STK32C: variants seen among roughly 807,000 people sequenced by gnomAD.
STK32C encodes the protein serine/threonine kinase 32C, also known as serine/threonine-protein kinase 32C.
A neutral mutation model predicts 56.5 loss-of-function variants in STK32C; 31 were observed. The observed-to-expected ratio is 0.55, with a 90% CI of 0.41 to 0.74. STK32C has a LOEUF of 0.74. Among genes scored for constraint, STK32C ranks in the 30% least tolerant of loss-of-function variants. STK32C has a pLI of 0.00. For missense variants in STK32C, 544 were observed against 676.9 expected (o/e 0.80, Z 2.18); for synonymous variants, 309 against 289.4 (o/e 1.07, Z -0.69).
At chr10:132,278,757 CAA>C (rs60685458) in intron 1 of STK32C, among the ~76,000 whole-genome samples, 2,765 of 90,312 alleles carry the variant, frequency 0.031, 60 homozygotes, top group South Asian at 0.17. Context: ...GAGACTGTCT[CAA>C]AAAAAAAAAA....
At chr10:132,266,860 C>T (rs1243461178) in intron 1 of STK32C, among the ~76,000 whole-genome samples, 2 of 151,868 alleles carry the variant, frequency 1.3e-5, no homozygotes, top group East Asian at 1.9e-4. Flanking sequence ...GGGGGCAGCT[C>T]GAGGTCAGAA....
chr10:132,258,638 C>T (rs1339089884), intron 1 of STK32C, among the ~76,000 whole-genome samples: 4 of 152,254 alleles, frequency 2.6e-5, no homozygotes, highest in Admixed American at 6.5e-5. Flanking sequence ...GGCTCACAGC[C>T]GGTCCTCTGG....
At chr10:132,252,114 G>C (rs1565112304) in intron 1 of STK32C, among the ~76,000 whole-genome samples, 1 of 152,256 alleles carries the variant, frequency 6.6e-6, no homozygotes, top group Non-Finnish European at 1.5e-5. Flanking sequence ...CTGATCAGAA[G>C]TCTCTGGCCA....
upstream of STK32C, among the ~76,000 whole-genome samples, chr10:132,310,102 A>G (rs574245215): frequency 2.0e-5 from 3 of 152,296 alleles, no homozygotes; most frequent in Non-Finnish European, 4.4e-5. The surrounding 1 kb of genome is among the most constrained non-coding windows in gnomAD (Gnocchi z 4.6). Context: ...GGGGCTCTTG[A>G]CCTAGGGATA....
At position 132,326,212 on chromosome 10, in the gene STK32C, T is replaced by C. The variant is rs189222919; in HGVS notation, c.302-1839A>G. Among the ~76,000 whole-genome samples, 157 of 152,324 alleles carry C rather than the reference T, an allele frequency of 1.0e-3. 1 individual carries two copies. Among genetic ancestry groups the C allele is most frequent in the African/African-American group, 3.7e-3 (154 of 41,576 alleles). On this transcript the variant is annotated intron_variant, in intron 1 of 1. Coordinates refer to the STK32C transcript ENST00000368619. The stretch of plus-strand genomic sequence containing the variant: ...ACAGCTTTGCAGGGCCATTTCCAGA[T>C]ATGAAAAATAAACAAATTTGGGGGT...
intron 1 of STK32C, among the ~76,000 whole-genome samples, chr10:132,247,687 G>A (rs1386986990): frequency 6.6e-6 from 1 of 152,192 alleles, no homozygotes; most frequent in Non-Finnish European, 1.5e-5. Context: ...GCAGTCAGCA[G>A]AGCACCTGGG....
At chr10:132,239,094 C>T (rs995618895) in intron 2 of STK32C, among the ~76,000 whole-genome samples, 3 of 152,196 alleles carry the variant, frequency 2.0e-5, no homozygotes, top group African/African-American at 7.2e-5. Flanking sequence ...CAAAGCCAGA[C>T]AGGGTCTGCA....
chr10:132,270,919 C>A (rs985220518), intron 1 of STK32C, among the ~76,000 whole-genome samples: 1 of 150,626 alleles, frequency 6.6e-6, no homozygotes, highest in Non-Finnish European at 1.5e-5. Context: ...TGCAGCCCCC[C>A]TCCAGAGCAA....
intron 1 of STK32C, among the ~76,000 whole-genome samples, chr10:132,304,740 A>C (rs922543442): frequency 1.3e-5 from 2 of 152,264 alleles, no homozygotes; most frequent in Non-Finnish European, 2.9e-5. Context: ...TTCTAATTTT[A>C]AGAGATGACT....
intron 10 of STK32C, among the ~76,000 whole-genome samples, chr10:132,214,271 T>TG (rs1170609868): frequency 2.1e-5 from 3 of 139,936 alleles, no homozygotes; most frequent in Admixed American, 7.2e-5. Context: ...GAGCTGGGGG[T>TG]GGGGGGTGGC....
At chr10:132,227,501 T>A (rs2062931370) in intron 3 of STK32C, among the ~76,000 whole-genome samples, 1 of 151,974 alleles carries the variant, frequency 6.6e-6, no homozygotes, top group Non-Finnish European at 1.5e-5. Context: ...ACAGTGATTG[T>A]GGTCGTGGTG....
intron 1 of STK32C, among the ~76,000 whole-genome samples, chr10:132,318,879 A>G (rs1188455207): frequency 6.7e-6 from 1 of 149,886 alleles, no homozygotes; most frequent in Non-Finnish European, 1.5e-5. Context: ...AAAAAAAAAA[A>G]CAGACAATAC....
At chr10:132,329,635 G>A (rs550853189) in intron 1 of STK32C, among the ~76,000 whole-genome samples, 85 of 152,296 alleles carry the variant, frequency 5.6e-4, no homozygotes, top group African/African-American at 2.0e-3. Context: ...CTGGAAGATC[G>A]TAAACTGAGA....
chr10:132,316,163 T>G (rs909256959), intron 1 of STK32C, among the ~76,000 whole-genome samples: 2 of 152,184 alleles, frequency 1.3e-5, no homozygotes, highest in Non-Finnish European at 2.9e-5. Context: ...GCCATAAGTA[T>G]ATATCATTTT....
At chr10:132,208,782 C>T (rs528108819) in intron 11 of STK32C, among the ~76,000 whole-genome samples, 3 of 152,280 alleles carry the variant, frequency 2.0e-5, no homozygotes, top group South Asian at 2.1e-4. Context: ...GTCACCACCC[C>T]TCATCTGGGC....
chr10:132,278,035 G>A (rs2065040239), intron 1 of STK32C, among the ~76,000 whole-genome samples: 1 of 152,206 alleles, frequency 6.6e-6, no homozygotes, highest in Non-Finnish European at 1.5e-5. Flanking sequence ...AGGGAGAGGT[G>A]GGGGTGGTCT....
At chr10:132,291,671 C>G (rs1483647568) in intron 1 of STK32C, among the ~76,000 whole-genome samples, 1 of 152,196 alleles carries the variant, frequency 6.6e-6, no homozygotes, top group Non-Finnish European at 1.5e-5. Flanking sequence ...TGAGGCTGAG[C>G]TATGCCAGGC....
intron 1 of STK32C, among the ~76,000 whole-genome samples, chr10:132,326,431 G>A (rs1003404462): frequency 2.0e-5 from 3 of 152,154 alleles, no homozygotes; most frequent in Non-Finnish European, 2.9e-5. Flanking sequence ...TGCTGGATTC[G>A]AGTAATTCTT....
chr10:132,307,481 C>A lies in STK32C; in HGVS notation c.262+91G>T. 7.3e-7 allele frequency: 1 copy of A among 1,377,174 alleles called. No homozygotes were observed. The highest frequency in any genetic ancestry group is 9.5e-7 in the Non-Finnish European group (1 of 1,050,400). The allele number at this position is 1,377,174 out of a possible 1,614,324, so 85.3% of individuals were successfully genotyped here. On this transcript the variant is annotated intron_variant, in intron 1 of 11. Transcript: ENST00000298630. This position sits in a 1 kb window ranked among gnomAD's most constrained non-coding sequence, Gnocchi z 4.4. ...GCGCCCCGGGAAGCCGTCCCGGACA[C>A]CGGGGGAACCCCTGCGGGAAAAAGC...
Sources: gnomAD v4.1 joint callset for allele counts (sites outside exome capture counted in the v4.1 genomes callset) on GRCh38, gnomAD v4.1.1 for gene constraint, Gnocchi (gnomAD v3.1) non-coding constraint, MANE v1.5 for transcripts, NCBI Gene and HGNC (gene_info 2026-07-23, HGNC 2026-07-21) for gene names.